EXD3: variants seen among roughly 807,000 people sequenced by gnomAD.
The protein encoded by EXD3 is exonuclease mut-7 homolog.
EXD3 carries 92 observed loss-of-function variants against 98.0 expected under a neutral mutation model. The ratio of observed to expected loss-of-function variants is 0.94; its 90% confidence interval spans 0.79 to 1.12. EXD3 has a LOEUF of 1.12. Among genes scored for constraint, EXD3 ranks in the 50% most tolerant of loss-of-function variants. The probability of loss-of-function intolerance (pLI) is 0.00; values close to 1 mark genes in which losing one functional copy is unlikely to be tolerated. For synonymous variants in EXD3, 569 were observed against 526.0 expected (o/e 1.08, Z -1.12); for missense variants, 1,222 against 1,191.6 (o/e 1.03, Z -0.38).
At position 137,403,044 on chromosome 9, in the gene EXD3, A is replaced by T. The variant is rs770603912; in HGVS notation, c.-47-7640T>A. 3.3e-5 allele frequency among the ~76,000 whole-genome samples: 5 copies of T among 152,104 alleles called. No individual in the cohort carries two copies. The highest frequency in any genetic ancestry group is 2.9e-5 in the Non-Finnish European group (2 of 68,028). On this transcript the variant is annotated intron_variant, in intron 1 of 21. Coordinates refer to ENST00000340951, the MANE Select transcript of EXD3 (RefSeq NM_017820.5). The surrounding 1 kb of genome is among the most constrained non-coding windows in gnomAD (Gnocchi z 6.1). ...ACAGGTGGGAATTCTGGGAGATACA[A>T]TTCAAGTTGAGATGTGGGTGAGGAC...
intron 8 of EXD3, among the ~76,000 whole-genome samples, chr9:137,355,492 T>TGGAGGAAGGAGGAAGGAGGAG (rs1834623168): frequency 3.2e-5 from 1 of 30,780 alleles, no homozygotes; most frequent in Non-Finnish European, 6.7e-5. Flanking sequence ...GGAAGGAGGA[T>TGGAGGAAGGAGGAAGGAGGAG]GGAGGAAGGA....
intron 1 of EXD3, among the ~76,000 whole-genome samples, chr9:137,404,650 C>T (rs183704428): frequency 1.8e-4 from 28 of 152,312 alleles, no homozygotes; most frequent in East Asian, 1.9e-4. Flanking sequence ...CACCTGAGGT[C>T]GGGAGTTCGA....
At chr9:137,355,400 T>A (rs1272731513) in intron 8 of EXD3, among the ~76,000 whole-genome samples, 1 of 105,848 alleles carries the variant, frequency 9.4e-6, no homozygotes, top group East Asian at 2.8e-4. Flanking sequence ...CGGGCGACCA[T>A]CTGCCCTGAG....
In EXD3 at chr9:137,395,256, C is replaced by T. The variant is rs1429806984; in HGVS notation, c.55+47G>A. 2.6e-6 allele frequency: 4 copies of T among 1,541,142 alleles called. No individual in the cohort carries two copies. The South Asian group carries it at 3.3e-5, about 13-fold the overall frequency. Reference sequence around the variant, plus strand: ...ACCCCCCATGCACACCCACGCACCTCCCCCCACAGCCCCAGGGAGACTCGG... The same window carrying T: ...ACCCCCCATGCACACCCACGCACCTTCCCCCACAGCCCCAGGGAGACTCGG... On this transcript the variant is annotated intron_variant, in intron 2 of 21. Transcript: ENST00000340951. This position sits in a 1 kb window ranked among gnomAD's most constrained non-coding sequence, Gnocchi z 6.5.
intron 1 of EXD3, among the ~76,000 whole-genome samples, chr9:137,396,042 A>G (rs775693695): frequency 3.4e-5 from 5 of 147,906 alleles, no homozygotes; most frequent in Admixed American, 6.9e-5. Flanking sequence ...ATCTCAGCTC[A>G]CTGCAACCTC....
At chr9:137,328,982 A>G (rs199583413) in intron 17 of EXD3, among the ~76,000 whole-genome samples, 20 of 2,312 alleles carry the variant, frequency 8.7e-3, no homozygotes, top group South Asian at 0.05. Flanking sequence ...GCTACACGGG[A>G]CTACACGGGG....
At chr9:137,415,272 C>G (rs1304608066) in intron 1 of EXD3, among the ~76,000 whole-genome samples, 1 of 151,650 alleles carries the variant, frequency 6.6e-6, no homozygotes, top group East Asian at 1.9e-4. Flanking sequence ...GGGGCGATCT[C>G]AGCTGACTGC....
At chr9:137,318,924 C>T (rs1001521989) in intron 19 of EXD3, among the ~76,000 whole-genome samples, 4 of 152,262 alleles carry the variant, frequency 2.6e-5, no homozygotes, top group South Asian at 2.1e-4. Context: ...GTGTGCCCAC[C>T]GTACCACCCA....
intron 1 of EXD3, among the ~76,000 whole-genome samples, chr9:137,401,056 T>TA (rs1253401981): frequency 1.3e-5 from 2 of 152,028 alleles, no homozygotes; most frequent in African/African-American, 4.8e-5. Flanking sequence ...TCGGTGGATC[T>TA]ACCATTCTGG....
At chr9:137,318,233 G>T (rs1831809112) in intron 19 of EXD3, among the ~76,000 whole-genome samples, 2 of 152,234 alleles carry the variant, frequency 1.3e-5, no homozygotes, top group South Asian at 2.1e-4. Flanking sequence ...ACCCCTGTCT[G>T]CTGGGCTGGG....
Position 137,356,388 on chromosome 9 carries a change from C to G in EXD3, c.657-20G>C. 9 of 1,423,690 alleles carry G rather than the reference C, an allele frequency of 6.3e-6. No homozygotes were observed. Among genetic ancestry groups the G allele is most frequent in the African/African-American group, 1.4e-5 (1 of 71,176 alleles). The allele number at this position is 1,423,690 out of a possible 1,614,324, so 88.2% of individuals were successfully genotyped here. ...TACCGTCTGTGGGGAGAGAGAGGCA[C>G]AGCCTCTGTTGCTGTTTTAAGTTAA... On this transcript the variant is annotated intron_variant, in intron 7 of 21. Transcript: ENST00000340951.
At chr9:137,374,584 C>T in intron 3 of EXD3, 1 of 985,516 alleles carries the variant, frequency 1.0e-6, no homozygotes, top group Non-Finnish European at 1.2e-6. Flanking sequence ...CCCACAAACA[C>T]CCAGGAACAG....
intron 17 of EXD3, among the ~76,000 whole-genome samples, chr9:137,334,245 G>A (rs1249892141): frequency 2.0e-5 from 3 of 152,110 alleles, no homozygotes; most frequent in South Asian, 2.1e-4. Context: ...CAGGTAATCC[G>A]CCCACCTCTG....
chr9:137,317,438 G>A (rs933464092), intron 19 of EXD3, among the ~76,000 whole-genome samples: 1 of 152,118 alleles, frequency 6.6e-6, no homozygotes, highest in African/African-American at 2.4e-5. Context: ...GTCTCGGCAT[G>A]CTGCGTGGCC....
intron 1 of EXD3, among the ~76,000 whole-genome samples, chr9:137,400,373 A>C (rs1837419229): frequency 6.6e-6 from 1 of 152,224 alleles, no homozygotes; most frequent in Non-Finnish European, 1.5e-5. Flanking sequence ...CCAAAGTCTG[A>C]TCTGAGACAA....
intron 17 of EXD3, among the ~76,000 whole-genome samples, chr9:137,339,984 A>T (rs1055832692): frequency 2.6e-5 from 4 of 152,204 alleles, no homozygotes; most frequent in African/African-American, 7.2e-5. Flanking sequence ...CAGAACCCCA[A>T]ATAATGGACA....
rs190191307 is a variant in EXD3 at position 137,333,087 on chromosome 9, T to C, written c.1999-8944A>G. ...CTAGAATAAAGCACGCAGGAGAAGA[T>C]GGAAGAGCAGACTTGCTGAGGCTTC... On this transcript the variant is annotated intron_variant, in intron 17 of 21. Coordinates refer to ENST00000340951, the MANE Select transcript of EXD3 (RefSeq NM_017820.5). 2.0e-5 allele frequency among the ~76,000 whole-genome samples: 3 copies of C among 152,280 alleles called. No individual in the cohort carries two copies. In the East Asian group the frequency reaches 5.8e-4, roughly 29 times the overall value.
At position 137,323,852 on chromosome 9, in the gene EXD3, C is replaced by G. The variant is rs771592009; in HGVS notation, c.2057G>C (p.Arg686Pro). 102 of 1,610,086 alleles carry G rather than the reference C, an allele frequency of 6.3e-5. No individual in the cohort carries two copies. Among genetic ancestry groups the G allele is most frequent in the Admixed American group, 8.4e-5 (5 of 59,704 alleles). Residue 686 changes from arginine to proline, a missense_variant, in exon 19 of 22, where the codon CGG (arginine) becomes CCG (proline). Transcript: ENST00000340951. ...LTSGQPFHKL[R>P]AQVGAGRCLS... Reference sequence around the variant, plus strand: ...GCAGCGCCCAGCCCCGACCTGGGCCCGGAGCTGCAAAGACACGGCTCGGCT... The same window carrying G: ...GCAGCGCCCAGCCCCGACCTGGGCCGGGAGCTGCAAAGACACGGCTCGGCT...
intron 19 of EXD3, among the ~76,000 whole-genome samples, chr9:137,319,937 C>T (rs1165099248): frequency 1.3e-5 from 2 of 152,240 alleles, no homozygotes; most frequent in South Asian, 2.1e-4. Flanking sequence ...CAACAAGGGC[C>T]TCCCTCCCAC....
Sources: allele counts gnomAD v4.1 joint callset (sites outside exome capture counted in the v4.1 genomes callset), GRCh38; gene constraint gnomAD v4.1.1; non-coding constraint Gnocchi (gnomAD v3.1); transcripts MANE v1.5; gene names NCBI Gene and HGNC (gene_info 2026-07-23, HGNC 2026-07-21).